SMYD3: variants seen among roughly 807,000 people sequenced by gnomAD.
The protein encoded by SMYD3 is SET and MYND domain containing 3, also known as histone-lysine N-methyltransferase SMYD3.
A neutral mutation model predicts 57.7 loss-of-function variants in SMYD3; 36 were observed. The ratio of observed to expected loss-of-function variants is 0.62; its 90% confidence interval spans 0.48 to 0.82. SMYD3 has a LOEUF of 0.82. SMYD3 is among the 40% of genes least tolerant of loss of function. SMYD3 has a pLI of 0.00. For synonymous variants in SMYD3, 211 were observed against 195.0 expected (o/e 1.08, Z -0.68); for missense variants, 515 against 538.8 (o/e 0.96, Z 0.44).
rs559895320 is a variant in SMYD3, at chr1:246,051,474, C to T, written c.532-121537G>A. 1.3e-4 allele frequency among the ~76,000 whole-genome samples: 20 copies of T among 152,098 alleles called. 2 individuals are homozygous for T. In the South Asian group the frequency reaches 4.1e-3, roughly 32 times the overall value. On this transcript the variant is annotated intron_variant, in intron 5 of 11. Coordinates refer to ENST00000490107, the MANE Select transcript of SMYD3 (RefSeq NM_001167740.2). ...ACTAGGGAGTAACACAGAAGTTGGT[C>T]CTCATATCTAAAACAGAGTAAAAAT...
chr1:245,934,456 C>A (rs954482412), intron 5 of SMYD3, among the ~76,000 whole-genome samples: 12 of 152,188 alleles, frequency 7.9e-5, no homozygotes, highest in African/African-American at 2.9e-4. Flanking sequence ...AGAATCTTCT[C>A]ATAAACCTTA....
chr1:246,129,249 A>G (rs891821998), intron 5 of SMYD3, among the ~76,000 whole-genome samples: 1 of 152,208 alleles, frequency 6.6e-6, no homozygotes, highest in Admixed American at 6.5e-5. Context: ...AAGCCTTTAA[A>G]AATAATGTCT....
At chr1:246,132,431 T>C (rs1054121817) in intron 5 of SMYD3, among the ~76,000 whole-genome samples, 2 of 152,134 alleles carry the variant, frequency 1.3e-5, no homozygotes, top group Non-Finnish European at 2.9e-5. Context: ...ATGCTCTTGT[T>C]AAAACTGTTT....
At chr1:246,122,580 A>C (rs1168004780) in intron 5 of SMYD3, among the ~76,000 whole-genome samples, 3 of 152,244 alleles carry the variant, frequency 2.0e-5, no homozygotes, top group East Asian at 3.8e-4. Flanking sequence ...ATTACATGCT[A>C]ATGAAATATC....
At chr1:246,103,839 T>C (rs559831585) in intron 5 of SMYD3, among the ~76,000 whole-genome samples, 1 of 152,316 alleles carries the variant, frequency 6.6e-6, no homozygotes, top group African/African-American at 2.4e-5. Context: ...GCTGATCACT[T>C]CTCAGCAGGT....
At chr1:246,127,178 C>A (rs374809623) in intron 5 of SMYD3, among the ~76,000 whole-genome samples, 19 of 152,028 alleles carry the variant, frequency 1.2e-4, no homozygotes, top group African/African-American at 3.4e-4. Flanking sequence ...ATATAGAACT[C>A]TGAAAGGGCA....
At chr1:246,126,783 T>C (rs75641185) in intron 5 of SMYD3, among the ~76,000 whole-genome samples, 9,960 of 152,248 alleles carry the variant, frequency 0.065, 627 homozygotes, top group South Asian at 0.18. Context: ...GGTCCAAACA[T>C]CTGATGACAT....
chr1:246,027,908 C>T (rs2059604754), intron 5 of SMYD3, among the ~76,000 whole-genome samples: 1 of 152,304 alleles, frequency 6.6e-6, no homozygotes. Flanking sequence ...CTATTCCAGA[C>T]ACCATTAGGA....
At chr1:246,103,455 A>G (rs1437285461) in intron 5 of SMYD3, among the ~76,000 whole-genome samples, 1 of 151,544 alleles carries the variant, frequency 6.6e-6, no homozygotes, top group Non-Finnish European at 1.5e-5. Context: ...AAAAAAAAAA[A>G]GCTCGTGCTC....
At chr1:246,218,543 C>T (rs1204396774) in intron 5 of SMYD3, among the ~76,000 whole-genome samples, 1 of 151,916 alleles carries the variant, frequency 6.6e-6, no homozygotes, top group Non-Finnish European at 1.5e-5. Context: ...ATGGCCTGAA[C>T]CCAGGAGACG....
chr1:246,043,837 T>C lies in SMYD3; in HGVS notation c.532-113900A>G, dbSNP rs780252559. On this transcript the variant is annotated intron_variant, in intron 5 of 11. Transcript: ENST00000490107. ...TCCCCTTCCTCCCAAACACTGGAGT[T>C]GGAGTTAGAGCCCTGCCAGAGGAGA... Among the ~76,000 whole-genome samples the C allele has an allele frequency of 3.9e-5, 6 of 152,258 alleles. No individual in the cohort carries two copies. The South Asian group carries it at 1.0e-3, about 26-fold the overall frequency.
intron 5 of SMYD3, among the ~76,000 whole-genome samples, chr1:246,063,084 CAG>C (rs1558194004): frequency 6.6e-6 from 1 of 152,170 alleles, no homozygotes; most frequent in East Asian, 1.9e-4. Flanking sequence ...ATCTACTAGG[CAG>C]ACTCTCAGGG....
chr1:245,846,934 T>C (rs1386089195), intron 10 of SMYD3, among the ~76,000 whole-genome samples: 3 of 152,222 alleles, frequency 2.0e-5, no homozygotes, highest in Non-Finnish European at 4.4e-5. Flanking sequence ...TTGGTGTCCT[T>C]TATGCAGGAA....
intron 5 of SMYD3, among the ~76,000 whole-genome samples, chr1:246,210,274 C>T (rs982296942): frequency 6.6e-6 from 1 of 152,160 alleles, no homozygotes; most frequent in South Asian, 2.1e-4. Context: ...TGCCTACCAT[C>T]ACACGCATAG....
intron 5 of SMYD3, among the ~76,000 whole-genome samples, chr1:246,138,676 C>T (rs1304982437): frequency 2.8e-5 from 3 of 105,414 alleles, no homozygotes; most frequent in African/African-American, 5.1e-5. Context: ...CCGCCCGCCT[C>T]GGCCTCCCAA....
intron 10 of SMYD3, among the ~76,000 whole-genome samples, chr1:245,853,716 A>T (rs2051094630): frequency 1.7e-5 from 1 of 59,768 alleles, no homozygotes; most frequent in Non-Finnish European, 6.2e-5. Flanking sequence ...ACCTTCTCAA[A>T]AAAAGGAGAA....
chr1:246,390,572 A>G (rs997430248), intron 1 of SMYD3, among the ~76,000 whole-genome samples: 2 of 152,242 alleles, frequency 1.3e-5, no homozygotes, highest in South Asian at 2.1e-4. Context: ...AACCATAAAT[A>G]TAAGTCACAT....
At chr1:246,490,843 G>T (rs2068257780) in intron 1 of SMYD3, among the ~76,000 whole-genome samples, 1 of 152,150 alleles carries the variant, frequency 6.6e-6, no homozygotes, top group African/African-American at 2.4e-5. Context: ...CCCCAGCCTG[G>T]GCAACAGAGT....
chr1:246,146,836 A>G (rs556100861), intron 5 of SMYD3, among the ~76,000 whole-genome samples: 1 of 152,180 alleles, frequency 6.6e-6, no homozygotes, highest in Non-Finnish European at 1.5e-5. Context: ...AGAAAGCAGC[A>G]GCTGAAAATT....
Sources: gnomAD v4.1 joint callset for allele counts (sites outside exome capture counted in the v4.1 genomes callset) on GRCh38, gnomAD v4.1.1 for gene constraint, MANE v1.5 for transcripts, NCBI Gene and HGNC (gene_info 2026-07-23, HGNC 2026-07-21) for gene names.